The following ADGRV1 variants were observed in gnomAD, a reference collection of about 807,000 sequenced individuals.
ADGRV1 encodes adhesion G protein-coupled receptor V1, also known as G-protein coupled receptor 98.
In ADGRV1, 359 loss-of-function variants were observed where a neutral mutation model predicts 596.2. The observed-to-expected ratio is 0.60, with a 90% confidence interval of 0.55 to 0.66. The LOEUF is 0.66. Among genes scored for constraint, ADGRV1 ranks in the 30% least tolerant of loss-of-function variants. The pLI is 0.00. For missense variants in ADGRV1, 7,274 were observed against 7,575.6 expected, an observed-to-expected ratio of 0.96 and a Z score of 1.48; for synonymous variants, 2,681 against 2,679.2, an observed-to-expected ratio of 1.00 and a Z score of -0.02.
At chr5:90,610,761 C>A (rs72782717) in intron 1 of ADGRV1, among the ~76,000 whole-genome samples, 678 of 151,960 alleles carry the variant, frequency 4.5e-3, no homozygotes, top group Non-Finnish European at 7.2e-3. Flanking sequence ...AAAACCCAAC[C>A]CAAGCCAGCT....
intron 85 of ADGRV1, among the ~76,000 whole-genome samples, chr5:90,987,009 A>G (rs1247316172): frequency 1.3e-5 from 2 of 152,204 alleles, no homozygotes; most frequent in African/African-American, 4.8e-5. Context: ...AACTATCTTG[A>G]TCCTTTTAAA....
chr5:90,737,673 T>C (rs1037023923), intron 50 of ADGRV1, among the ~76,000 whole-genome samples: 1 of 152,012 alleles, frequency 6.6e-6, no homozygotes. Flanking sequence ...CTCTTGTTGT[T>C]ATAGAATGGT....
chr5:90,716,335 T>C, intron 42 of ADGRV1, 132 bp from the exon 43 acceptor site: 1 of 524,984 alleles, frequency 1.9e-6, no homozygotes, highest in East Asian at 3.0e-5. Context: ...ATTCTGTCAT[T>C]TTTAAGATCA....
At chr5:91,042,308 C>T (rs1785428489) in intron 85 of ADGRV1, among the ~76,000 whole-genome samples, 2 of 152,252 alleles carry the variant, frequency 1.3e-5, no homozygotes, top group Middle Eastern at 3.4e-3. Context: ...TATCACAGTA[C>T]AGTTGATATA....
intron 71 of ADGRV1, among the ~76,000 whole-genome samples, chr5:90,804,152 C>CAGCAATTTG: frequency 6.6e-6 from 1 of 152,250 alleles, no homozygotes; most frequent in East Asian, 1.9e-4. Context: ...CTTTTAATCC[C>CAGCAATTTG]AGCAATTTGG....
intron 83 of ADGRV1, among the ~76,000 whole-genome samples, chr5:90,896,267 G>GTGT: frequency 1.2e-5 from 1 of 84,878 alleles, no homozygotes; most frequent in South Asian, 5.0e-4. Flanking sequence ...GTGACCAGTG[G>GTGT]TTTTTTTTTT....
Position 90,665,791 on chromosome 5 carries a change from C to T in ADGRV1, c.4753-6755C>T, listed in dbSNP as rs1771246841. On this transcript the variant is annotated intron_variant, in intron 21 of 89. Transcript: ENST00000405460. Reference sequence around the variant, plus strand: ...CCTCTACACACTGCTTTGAATGCGTCCCAGAGATTCTGGTATGTTGTGTCT... The same window carrying T: ...CCTCTACACACTGCTTTGAATGCGTTCCAGAGATTCTGGTATGTTGTGTCT... 2.0e-5 allele frequency among the ~76,000 whole-genome samples: 3 copies of T among 150,814 alleles called. No homozygotes were observed. The South Asian group carries it at 6.3e-4, about 32-fold the overall frequency.
At chr5:90,576,725 C>G (rs1378122154) in intron 1 of ADGRV1, among the ~76,000 whole-genome samples, 1 of 152,150 alleles carries the variant, frequency 6.6e-6, no homozygotes, top group African/African-American at 2.4e-5. Flanking sequence ...TTTACAGTCC[C>G]ACTGACCAAC....
chr5:90,765,035 G>T (rs1756947777), intron 59 of ADGRV1, among the ~76,000 whole-genome samples: 1 of 152,110 alleles, frequency 6.6e-6, no homozygotes, highest in South Asian at 2.1e-4. Context: ...TTTCCATGGG[G>T]CTCCAAGCTC....
At chr5:90,786,324 A>C (rs772704606) in intron 67 of ADGRV1, among the ~76,000 whole-genome samples, 27 of 152,204 alleles carry the variant, frequency 1.8e-4, no homozygotes, top group Non-Finnish European at 2.4e-4. Flanking sequence ...GGGTGCAGCA[A>C]ACCAACATAG....
chr5:91,035,861 T>TATAATATATATAATA lies in ADGRV1; in HGVS notation c.18153-36586_18153-36585insATAATATATATAATA. Reference sequence around the variant, plus strand: ...ATGAGTGTGTATATATATATATATATTATATATATATATATATATATCTTA... The same window carrying TATAATATATATAATA: ...ATGAGTGTGTATATATATATATATATATAATATATATAATATATATATATATATATATATATCTTA... On this transcript the variant is annotated intron_variant, in intron 85 of 89. Transcript: ENST00000405460. Among the ~76,000 whole-genome samples, 50 of 96,330 alleles carry TATAATATATATAATA rather than the reference T, an allele frequency of 5.2e-4. 1 individual carries two copies. The highest frequency in any genetic ancestry group is 7.2e-4 in the Non-Finnish European group (33 of 46,022). The allele number at this position is 96,330 out of a possible 152,430, so 63.2% of individuals were successfully genotyped here. A position where few individuals can be genotyped will look rare whatever the true frequency, so the allele number is the denominator to read the frequency against.
At chr5:90,822,071 CTG>C (rs1459187011) in intron 75 of ADGRV1, 2 of 154,628 alleles carry the variant, frequency 1.3e-5, no homozygotes, top group Non-Finnish European at 1.4e-5. Flanking sequence ...CAGCGAGACT[CTG>C]TGGGCGTAGG....
intron 83 of ADGRV1, among the ~76,000 whole-genome samples, chr5:90,942,338 A>G (rs1776229728): frequency 6.6e-6 from 1 of 152,198 alleles, no homozygotes; most frequent in African/African-American, 2.4e-5. Flanking sequence ...AAAACAGTGG[A>G]CTAGGTGTAT....
At chr5:91,137,385 AT>A (rs1214796220) in intron 87 of ADGRV1, among the ~76,000 whole-genome samples, 2 of 152,178 alleles carry the variant, frequency 1.3e-5, no homozygotes, top group Non-Finnish European at 2.9e-5. Flanking sequence ...CATGGCAGGC[AT>A]TCTAGGCCAC....
At chr5:91,144,012 T>C (rs986348390) in intron 87 of ADGRV1, among the ~76,000 whole-genome samples, 1 of 152,130 alleles carries the variant, frequency 6.6e-6, no homozygotes, top group Non-Finnish European at 1.5e-5. Flanking sequence ...TCAACTTTGC[T>C]GTGAGATTGG....
intron 38 of ADGRV1, among the ~76,000 whole-genome samples, chr5:90,706,929 C>G (rs535620680): frequency 2.0e-5 from 3 of 151,712 alleles, no homozygotes; most frequent in Admixed American, 1.3e-4. Flanking sequence ...GATAGACAGG[C>G]CTGCTGTTAT....
intron 1 of ADGRV1, among the ~76,000 whole-genome samples, chr5:90,596,381 A>T (rs1274068503): frequency 7.9e-5 from 12 of 151,478 alleles, no homozygotes; most frequent in Non-Finnish European, 1.3e-4. Flanking sequence ...CACTTCCCAG[A>T]CGGGGTGGCG....
intron 87 of ADGRV1, among the ~76,000 whole-genome samples, chr5:91,102,955 C>A (rs116800094): frequency 2.0e-5 from 3 of 152,256 alleles, no homozygotes; most frequent in Admixed American, 6.5e-5. Context: ...ACAAATGGAA[C>A]AAATGAACAC....
At chr5:90,687,058 G>A (rs534489225) in intron 29 of ADGRV1, among the ~76,000 whole-genome samples, 6 of 151,834 alleles carry the variant, frequency 4.0e-5, no homozygotes, top group African/African-American at 1.5e-4. Flanking sequence ...TTTTTGATGG[G>A]GTTGTTTTTT....
Sources: allele counts gnomAD v4.1 joint callset (sites outside exome capture counted in the v4.1 genomes callset), GRCh38; gene constraint gnomAD v4.1.1; transcripts MANE v1.5; gene names NCBI Gene and HGNC (gene_info 2026-07-23, HGNC 2026-07-21).